UST: variants seen among roughly 807,000 people sequenced by gnomAD.
UST encodes chondroitin sulfate 2-O-sulfotransferase.
UST carries 21 observed loss-of-function variants against 45.6 expected under a neutral mutation model. That is an observed-to-expected ratio of 0.46 (90% confidence interval 0.33 to 0.66). The LOEUF (loss-of-function observed/expected upper bound fraction) is 0.66. Ranked by LOEUF, UST falls within the 30% of genes least tolerant of loss-of-function variation. The pLI is 0.02. For synonymous variants in UST, 215 were observed against 200.6 expected (o/e 1.07, Z -0.61); for missense variants, 463 against 512.4 (o/e 0.90, Z 0.93).
chr6:148,815,610 A>G (rs1777339916), intron 1 of UST, among the ~76,000 whole-genome samples: 1 of 152,242 alleles, frequency 6.6e-6, no homozygotes. Flanking sequence ...TTTAATGTGT[A>G]TATTACATAC....
intron 1 of UST, among the ~76,000 whole-genome samples, chr6:148,799,915 C>T (rs1469082532): frequency 6.6e-6 from 1 of 152,178 alleles, no homozygotes; most frequent in African/African-American, 2.4e-5. Context: ...CTCTCTCTCT[C>T]ACTCCCTCTC....
intron 1 of UST, among the ~76,000 whole-genome samples, chr6:148,765,250 A>C (rs1011231786): frequency 1.3e-5 from 2 of 151,982 alleles, no homozygotes; most frequent in Admixed American, 1.3e-4. Context: ...ATTTTTGCCA[A>C]CTTTGTTTAC....
chr6:148,777,235 C>T (rs371614683), intron 1 of UST, among the ~76,000 whole-genome samples: 2 of 152,250 alleles, frequency 1.3e-5, no homozygotes, highest in East Asian at 1.9e-4. Context: ...CTCTTTTAGA[C>T]GTTAGGCCAT....
intron 1 of UST, among the ~76,000 whole-genome samples, chr6:148,778,870 A>G (rs1776583873): frequency 1.3e-5 from 2 of 151,808 alleles, no homozygotes; most frequent in South Asian, 4.2e-4. Context: ...ACCAAGGCCC[A>G]CCCCCCTCCA....
intron 1 of UST, among the ~76,000 whole-genome samples, chr6:148,789,453 T>TCTCACA (rs1199697244): frequency 7.4e-5 from 10 of 134,340 alleles, no homozygotes; most frequent in African/African-American, 2.6e-4. Flanking sequence ...TCTCTCTCTC[T>TCTCACA]CACACACACA....
chr6:148,875,006 C>T (rs1441276472), intron 1 of UST, among the ~76,000 whole-genome samples: 2 of 152,166 alleles, frequency 1.3e-5, no homozygotes, highest in African/African-American at 2.4e-5. Flanking sequence ...CATAGGTAAC[C>T]GGAATCCTGT....
At chr6:149,031,260 C>CT (rs1776136295) in intron 7 of UST, among the ~76,000 whole-genome samples, 1 of 151,678 alleles carries the variant, frequency 6.6e-6, no homozygotes, top group South Asian at 2.1e-4. Context: ...TCAGCTGTAG[C>CT]TACTGGGCAA....
Position 148,934,898 on chromosome 6 carries a change from G to A in UST, c.292-6381G>A, listed in dbSNP as rs1256776874. Among the ~76,000 whole-genome samples, 1 of 152,190 alleles carries A rather than the reference G, an allele frequency of 6.6e-6. No individual in the cohort carries two copies. The highest frequency in any genetic ancestry group is 1.5e-5 in the Non-Finnish European group (1 of 68,040). ...TACAGTTATTTGCGAACCACAGCTTGTACTATATTAAGTATCATTTTGCAG... is the reference window on the plus strand; with the variant it reads ...TACAGTTATTTGCGAACCACAGCTTATACTATATTAAGTATCATTTTGCAG... On this transcript the variant is annotated intron_variant, in intron 2 of 7. Transcript: ENST00000367463. This position sits in a 1 kb window ranked among gnomAD's most constrained non-coding sequence, Gnocchi z 4.1.
chr6:148,849,093 G>A (rs986023461), intron 1 of UST, among the ~76,000 whole-genome samples: 11 of 152,144 alleles, frequency 7.2e-5, no homozygotes, highest in African/African-American at 2.7e-4. Flanking sequence ...TCAGGCTCTG[G>A]ATGAGTGGGC....
At chr6:148,814,430 G>T (rs181118284) in intron 1 of UST, among the ~76,000 whole-genome samples, 5 of 152,128 alleles carry the variant, frequency 3.3e-5, no homozygotes, top group Admixed American at 3.3e-4. Context: ...AGCCAGTAGA[G>T]TTTGCAGCTG....
At chr6:148,827,064 C>G (rs928012466) in intron 1 of UST, among the ~76,000 whole-genome samples, 7 of 152,130 alleles carry the variant, frequency 4.6e-5, no homozygotes, top group African/African-American at 1.7e-4. Context: ...CATTATTCTA[C>G]CTACCAATAA....
intron 2 of UST, among the ~76,000 whole-genome samples, chr6:148,889,594 G>T (rs1778977063): frequency 6.6e-6 from 1 of 152,138 alleles, no homozygotes; most frequent in African/African-American, 2.4e-5. Context: ...CTCTGTCAAT[G>T]GGACCCATCA....
chr6:149,047,703 A>G lies in UST; in HGVS notation c.938-26130A>G, dbSNP rs138102672. Among the ~76,000 whole-genome samples the G allele has an allele frequency of 4.3e-3, 653 of 152,376 alleles. 3 individuals are homozygous for G. The highest frequency in any genetic ancestry group is 0.014 in the African/African-American group (575 of 41,586). On this transcript the variant is annotated intron_variant, in intron 7 of 7. Transcript: ENST00000367463. ...CCAAAGAAATGCAAACCAAGAGGAC[A>G]GACCATGTTCATGCATGAAAATATG...
intron 2 of UST, 119 bp from the exon 3 acceptor site, chr6:148,941,160 T>C: frequency 8.6e-7 from 1 of 1,157,442 alleles, no homozygotes; most frequent in Non-Finnish European, 1.3e-6. Flanking sequence ...TTAATCTGAT[T>C]ATAGGCCTTT....
chr6:148,793,342 C>A (rs1776887312), intron 1 of UST, among the ~76,000 whole-genome samples: 1 of 152,024 alleles, frequency 6.6e-6, no homozygotes, highest in Non-Finnish European at 1.5e-5. Flanking sequence ...GTACGCAAAT[C>A]ATAAGTGACA....
intron 1 of UST, among the ~76,000 whole-genome samples, chr6:148,754,002 T>C (rs1357068126): frequency 6.6e-6 from 1 of 151,950 alleles, no homozygotes; most frequent in Non-Finnish European, 1.5e-5. Flanking sequence ...CTGATTTTTT[T>C]TTTTTTTTTG....
At chr6:149,058,344 C>CGTGTGTGT (rs768018530) in intron 7 of UST, among the ~76,000 whole-genome samples, 81 of 126,760 alleles carry the variant, frequency 6.4e-4, no homozygotes, top group Non-Finnish European at 1.2e-3. Flanking sequence ...AAAGGAGGAG[C>CGTGTGTGT]ATGTGTGTGT....
chr6:148,820,524 A>G (rs907934900), intron 1 of UST, among the ~76,000 whole-genome samples: 4 of 152,086 alleles, frequency 2.6e-5, no homozygotes, highest in Non-Finnish European at 5.9e-5. Flanking sequence ...ATATAACTCT[A>G]CTATTGAATG....
intron 2 of UST, among the ~76,000 whole-genome samples, chr6:148,910,554 C>G (rs1779452706): frequency 6.6e-6 from 1 of 152,146 alleles, no homozygotes; most frequent in Non-Finnish European, 1.5e-5. Flanking sequence ...TAGGTCATAA[C>G]CACAGACTCA....
Sources: allele counts gnomAD v4.1 joint callset (sites outside exome capture counted in the v4.1 genomes callset), GRCh38; gene constraint gnomAD v4.1.1; non-coding constraint Gnocchi (gnomAD v3.1); transcripts MANE v1.5; gene names NCBI Gene and HGNC (gene_info 2026-07-23, HGNC 2026-07-21).